CHIC2: variants seen among roughly 807,000 people sequenced by gnomAD.
The protein encoded by CHIC2 is cysteine-rich hydrophobic domain-containing protein 2.
Under a neutral mutation model 25.9 loss-of-function variants are expected in CHIC2, and 14 were observed. That is an observed-to-expected ratio of 0.54 (90% CI 0.36 to 0.85). The LOEUF is 0.85. Ranked by LOEUF, CHIC2 falls within the 40% of genes least tolerant of loss-of-function variation. The pLI, the probability that CHIC2 is intolerant of heterozygous loss-of-function variation, is 0.01. For synonymous variants in CHIC2, 70 were observed against 72.0 expected (o/e 0.97, Z 0.14); for missense variants, 146 against 202.0 (o/e 0.72, Z 1.68).
At chr4:54,015,624 T>C (rs1715715254) in intron 3 of CHIC2, among the ~76,000 whole-genome samples, 1 of 152,158 alleles carries the variant, frequency 6.6e-6, no homozygotes, top group African/African-American at 2.4e-5. Flanking sequence ...GAAATCGATT[T>C]GATTCTAATC....
the CHIC2 span, among the ~76,000 whole-genome samples, chr4:54,084,191 T>TA: frequency 6.6e-6 from 1 of 152,186 alleles, no homozygotes; most frequent in Non-Finnish European, 1.5e-5. Context: ...CGGGGTCTAG[T>TA]CATCTTTGTA....
chr4:54,061,257 T>C (rs973232607), intron 1 of CHIC2: 2 of 152,182 alleles, frequency 1.3e-5, no homozygotes, highest in African/African-American at 4.8e-5. Flanking sequence ...GGTAACTTTC[T>C]TTCTCACATC....
chr4:54,018,409 C>T (rs570796103), intron 3 of CHIC2, among the ~76,000 whole-genome samples: 1 of 152,026 alleles, frequency 6.6e-6, no homozygotes, highest in Non-Finnish European at 1.5e-5. Flanking sequence ...AAATTAAATG[C>T]CATTAGATAT....
chr4:54,082,136 G>A, the CHIC2 span, among the ~76,000 whole-genome samples: 7 of 152,204 alleles, frequency 4.6e-5, no homozygotes, highest in Non-Finnish European at 8.8e-5. Context: ...TGGTGATACT[G>A]TATATGATTT....
At chr4:54,068,570 A>G (rs928004090), upstream of CHIC2, among the ~76,000 whole-genome samples, 2 of 152,246 alleles carry the variant, frequency 1.3e-5, no homozygotes, top group African/African-American at 2.4e-5. Flanking sequence ...GACACAGTCT[A>G]TGGTATTTTG....
chr4:54,028,944 G>A (rs955812404), intron 3 of CHIC2, among the ~76,000 whole-genome samples: 1 of 152,090 alleles, frequency 6.6e-6, no homozygotes, highest in African/African-American at 2.4e-5. Context: ...CCAACATGGT[G>A]AAACCCCGTC....
chr4:54,052,115 T>G (rs1052933662), intron 1 of CHIC2, among the ~76,000 whole-genome samples: 13 of 132,990 alleles, frequency 9.8e-5, no homozygotes, highest in African/African-American at 3.9e-4. Context: ...TTTTCATCCC[T>G]GCCAAAACCT....
At chr4:54,050,798 T>A (rs1017829353) in intron 1 of CHIC2, among the ~76,000 whole-genome samples, 1 of 152,118 alleles carries the variant, frequency 6.6e-6, no homozygotes, top group Non-Finnish European at 1.5e-5. Context: ...ACACACACTC[T>A]GTGATGTCTG....
At chr4:54,048,603 C>A (rs1716905789) in intron 3 of CHIC2, among the ~76,000 whole-genome samples, 1 of 151,916 alleles carries the variant, frequency 6.6e-6, no homozygotes, top group Non-Finnish European at 1.5e-5. Flanking sequence ...ACAGTTGTGT[C>A]AAGTAGGGTT....
the CHIC2 span, among the ~76,000 whole-genome samples, chr4:54,075,841 C>A: frequency 6.6e-3 from 1,005 of 152,272 alleles, 6 homozygotes; most frequent in Non-Finnish European, 9.7e-3. Context: ...AGCCACTGTG[C>A]CGGCCATATT....
the CHIC2 span, among the ~76,000 whole-genome samples, chr4:54,089,389 TTCC>T: frequency 1.2e-5 from 1 of 82,722 alleles, no homozygotes; most frequent in South Asian, 5.1e-4. Context: ...CACCACCACA[TTCC>T]ATATATATAT....
chr4:54,033,971 T>C lies in CHIC2; in HGVS notation c.330+14984A>G, dbSNP rs930314186. On this transcript the variant is annotated intron_variant, in intron 3 of 5. Transcript: ENST00000263921. ...CAACTTTGTATTCCCTTTTCAGAGTTGTTTTGCTTTTGTAGGTTGTCTGTA... is the reference window on the plus strand; with the variant it reads ...CAACTTTGTATTCCCTTTTCAGAGTCGTTTTGCTTTTGTAGGTTGTCTGTA... 2.0e-5 allele frequency among the ~76,000 whole-genome samples: 3 copies of C among 152,132 alleles called. No individual in the cohort carries two copies. The East Asian group carries it at 5.8e-4, about 29-fold the overall frequency.
chr4:54,044,104 C>T (rs1716687716), intron 3 of CHIC2, among the ~76,000 whole-genome samples: 1 of 152,210 alleles, frequency 6.6e-6, no homozygotes, highest in Non-Finnish European at 1.5e-5. Flanking sequence ...GAAGAACTAA[C>T]TATCCTAAAT....
chr4:54,036,156 T>C (rs896606142), intron 3 of CHIC2, among the ~76,000 whole-genome samples: 1 of 152,230 alleles, frequency 6.6e-6, no homozygotes, highest in Non-Finnish European at 1.5e-5. Context: ...TTGAAAAGAA[T>C]GTGTATTTGC....
chr4:54,087,949 G>C, the CHIC2 span, among the ~76,000 whole-genome samples: 3 of 152,308 alleles, frequency 2.0e-5, no homozygotes, highest in South Asian at 4.1e-4. Context: ...TAAAAGGAGT[G>C]TAAGCTCCTT....
chr4:54,071,952 G>T, the CHIC2 span, among the ~76,000 whole-genome samples: 3 of 151,876 alleles, frequency 2.0e-5, no homozygotes, highest in African/African-American at 7.3e-5. Flanking sequence ...GTTTCTCTTA[G>T]ATTCTCCTGG....
intron 3 of CHIC2, among the ~76,000 whole-genome samples, chr4:54,033,858 C>CT (rs1488106460): frequency 6.6e-6 from 1 of 152,088 alleles, no homozygotes; most frequent in African/African-American, 2.4e-5. Context: ...TTCTGTTTAT[C>CT]TGTTTGTCTA....
intron 3 of CHIC2, among the ~76,000 whole-genome samples, chr4:54,026,924 A>G (rs953256881): frequency 2.0e-5 from 3 of 152,162 alleles, no homozygotes; most frequent in Non-Finnish European, 4.4e-5. Flanking sequence ...TATAATGAAA[A>G]ATTTTTGTAA....
At position 54,022,599 on chromosome 4, in the gene CHIC2, G is replaced by A. The variant is rs1424177560; in HGVS notation, c.331-8480C>T. ...TTTTAACTAAATTATCTGCTTCCCT[G>A]ACTATTCCTAAGCTACAGCCACACC... On this transcript the variant is annotated intron_variant, in intron 3 of 5. Coordinates refer to ENST00000263921, the MANE Select transcript of CHIC2 (RefSeq NM_012110.4). 2.0e-5 allele frequency among the ~76,000 whole-genome samples: 3 copies of A among 152,184 alleles called. No homozygotes were observed. The East Asian group carries it at 5.8e-4, about 29-fold the overall frequency.
Sources: gnomAD v4.1 joint callset for allele counts (sites outside exome capture counted in the v4.1 genomes callset) on GRCh38, gnomAD v4.1.1 for gene constraint, MANE v1.5 for transcripts, NCBI Gene and HGNC (gene_info 2026-07-23, HGNC 2026-07-21) for gene names.